CIDEA: variants seen among roughly 807,000 people sequenced by gnomAD.
CIDEA encodes the protein cell death inducing DFFA like effector a, also known as lipid transferase CIDEA.
In CIDEA, 10 loss-of-function variants were observed where a neutral mutation model predicts 18.2. That is an observed-to-expected ratio of 0.55 (90% CI 0.34 to 0.93). The LOEUF (loss-of-function observed/expected upper bound fraction) is 0.93, where lower values mean the gene tolerates loss of function less well. Ranked by LOEUF, CIDEA falls within the 40% of genes least tolerant of loss-of-function variation. The pLI, the probability that CIDEA is intolerant of heterozygous loss-of-function variation, is 0.02. For missense variants in CIDEA, 309 were observed against 293.1 expected, an observed-to-expected ratio of 1.05 and a Z score of -0.40; for synonymous variants, 128 against 124.8, an observed-to-expected ratio of 1.03 and a Z score of -0.17.
intron 1 of CIDEA, among the ~76,000 whole-genome samples, chr18:12,258,839 C>T (rs1251862261): frequency 6.6e-6 from 1 of 152,242 alleles, no homozygotes; most frequent in Non-Finnish European, 1.5e-5. Flanking sequence ...GCCTTTCTGT[C>T]ACCCTCCTTG....
chr18:12,261,870 A>AC (rs1912202669), intron 1 of CIDEA, among the ~76,000 whole-genome samples: 2 of 151,620 alleles, frequency 1.3e-5, no homozygotes, highest in African/African-American at 2.4e-5. Context: ...CATGAGAGCC[A>AC]CCATGCCCAG....
At chr18:12,256,620 G>T (rs1912042647) in intron 1 of CIDEA, among the ~76,000 whole-genome samples, 1 of 152,216 alleles carries the variant, frequency 6.6e-6, no homozygotes, top group Non-Finnish European at 1.5e-5. Context: ...GCTGGTACAT[G>T]TTATAAGCTT....
At chr18:12,277,034 T>TG in intron 4 of CIDEA, 89 bp from the exon 5 acceptor site, 1 of 1,462,614 alleles carries the variant, frequency 6.8e-7, no homozygotes, top group Non-Finnish European at 9.5e-7. Context: ...GAGTGCCTTT[T>TG]GGTGGGGGGA....
intron 3 of CIDEA, among the ~76,000 whole-genome samples, chr18:12,266,320 T>G (rs1388846733): frequency 1.3e-5 from 2 of 152,142 alleles, no homozygotes; most frequent in Non-Finnish European, 2.9e-5. Flanking sequence ...CCTGGCGTAG[T>G]GGTGCATACC....
intron 2 of CIDEA, among the ~76,000 whole-genome samples, chr18:12,263,298 G>A (rs975122733): frequency 6.6e-6 from 1 of 152,128 alleles, no homozygotes; most frequent in African/African-American, 2.4e-5. Flanking sequence ...TTGTGGTGAC[G>A]GTGGGCCAAC....
At chr18:12,267,271 A>G (rs1229678708) in intron 3 of CIDEA, among the ~76,000 whole-genome samples, 1 of 152,244 alleles carries the variant, frequency 6.6e-6, no homozygotes, top group African/African-American at 2.4e-5. Context: ...GTGAGAACAA[A>G]CACTGGAAAC....
intron 3 of CIDEA, among the ~76,000 whole-genome samples, chr18:12,269,939 C>G (rs1422506704): frequency 1.3e-5 from 2 of 152,134 alleles, no homozygotes; most frequent in African/African-American, 2.4e-5. Context: ...CTCAAGTGAT[C>G]CACCTGCCTC....
chr18:12,274,472 T>A (rs1293389803), intron 4 of CIDEA, among the ~76,000 whole-genome samples, 198 bp downstream of exon 4: 1 of 152,158 alleles, frequency 6.6e-6, no homozygotes, highest in Non-Finnish European at 1.5e-5. Flanking sequence ...CAAAACAGAT[T>A]TATTTCTTCC....
At chr18:12,277,022 C>T in intron 4 of CIDEA, 101 bp from the exon 5 acceptor site, 1 of 1,340,696 alleles carries the variant, frequency 7.5e-7, no homozygotes, top group South Asian at 1.3e-5. Flanking sequence ...CTGGCCTCCT[C>T]CGAGTGCCTT....
intron 1 of CIDEA, chr18:12,254,829 CG>C: frequency 7.5e-7 from 1 of 1,338,262 alleles, no homozygotes; most frequent in Non-Finnish European, 9.9e-7. Context: ...GCGAGGGGAC[CG>C]GGCTTCTGGG....
At chr18:12,261,410 A>T (rs1441401980) in intron 1 of CIDEA, among the ~76,000 whole-genome samples, 1 of 151,592 alleles carries the variant, frequency 6.6e-6, no homozygotes, top group African/African-American at 2.4e-5. Context: ...CTGGGTGAAA[A>T]CTCTACATGT....
rs28385442 is a variant in CIDEA at position 12,265,742 on chromosome 18, T to A, written c.330+1289T>A. On this transcript the variant is annotated intron_variant, in intron 3 of 4. Transcript: ENST00000320477. Reference sequence around the variant, plus strand: ...CAGTTCCGCTTGGGATGAACATCCATCCTGGCCTCAAAGAGTTTTCATTCG... The same window carrying A: ...CAGTTCCGCTTGGGATGAACATCCAACCTGGCCTCAAAGAGTTTTCATTCG... Among the ~76,000 whole-genome samples, 233 of 152,306 alleles carry A rather than the reference T, an allele frequency of 1.5e-3. 1 individual carries two copies. Among genetic ancestry groups the A allele is most frequent in the African/African-American group, 5.4e-3 (225 of 41,562 alleles).
chr18:12,277,040 G>A, intron 4 of CIDEA, 83 bp from the exon 5 acceptor site: 2 of 1,495,324 alleles, frequency 1.3e-6, no homozygotes, highest in African/African-American at 1.4e-5. Flanking sequence ...CTTTTGGTGG[G>A]GGGAGTGAAG....
intron 1 of CIDEA, among the ~76,000 whole-genome samples, chr18:12,260,719 C>T (rs565531056): frequency 3.9e-5 from 6 of 152,298 alleles, no homozygotes; most frequent in East Asian, 3.9e-4. Flanking sequence ...ATTGGCAATC[C>T]GTGCAGGTGT....
chr18:12,275,476 C>T (rs1905299104), intron 4 of CIDEA, among the ~76,000 whole-genome samples: 1 of 152,212 alleles, frequency 6.6e-6, no homozygotes, highest in South Asian at 2.1e-4. Context: ...AAGAACTAAC[C>T]TCTGTGGAGG....
At chr18:12,267,322 TA>T (rs1299044822) in intron 3 of CIDEA, among the ~76,000 whole-genome samples, 2 of 152,256 alleles carry the variant, frequency 1.3e-5, no homozygotes, top group African/African-American at 4.8e-5. Flanking sequence ...GCCCAGCACA[TA>T]GAAGTACTTC....
At chr18:12,260,769 A>G (rs1204364411) in intron 1 of CIDEA, among the ~76,000 whole-genome samples, 1 of 152,154 alleles carries the variant, frequency 6.6e-6, no homozygotes, top group African/African-American at 2.4e-5. Flanking sequence ...ATCCAGAAAA[A>G]CTGCTCTAAG....
intron 1 of CIDEA, among the ~76,000 whole-genome samples, chr18:12,262,186 T>G (rs1194397159): frequency 6.6e-6 from 1 of 151,808 alleles, no homozygotes; most frequent in East Asian, 1.9e-4. Context: ...AAAAAAAAAG[T>G]AAATTTTTGA....
chr18:12,275,901 C>T (rs1905313569), intron 4 of CIDEA, among the ~76,000 whole-genome samples: 4 of 151,826 alleles, frequency 2.6e-5, no homozygotes. Context: ...AAAAGTTAGG[C>T]AAGAGAGTTA....
Sources: gnomAD v4.1 joint callset for allele counts (sites outside exome capture counted in the v4.1 genomes callset) on GRCh38, gnomAD v4.1.1 for gene constraint, MANE v1.5 for transcripts, NCBI Gene and HGNC (gene_info 2026-07-23, HGNC 2026-07-21) for gene names.